The following LAMA2 variants were observed in gnomAD, a reference collection of about 807,000 sequenced individuals.
LAMA2 encodes the protein laminin subunit alpha 2, also known as laminin subunit alpha-2.
Under a neutral mutation model 364.8 loss-of-function variants are expected in LAMA2, and 269 were observed. The ratio of observed to expected loss-of-function variants is 0.74; its 90% confidence interval spans 0.67 to 0.82. The LOEUF is 0.82. Ranked by LOEUF, LAMA2 falls within the 40% of genes least tolerant of loss-of-function variation. The pLI is 0.00. For missense variants in LAMA2, 3,807 were observed against 3,873.2 expected, an observed-to-expected ratio of 0.98 and a Z score of 0.45; for synonymous variants, 1,379 against 1,370.6, an observed-to-expected ratio of 1.01 and a Z score of -0.14.
rs764657750 is a variant in LAMA2, at chr6:129,478,758, A to C, written c.7517A>C (p.Tyr2506Ser). 2 of 1,612,700 alleles carry C rather than the reference A, an allele frequency of 1.2e-6. No homozygotes were observed. The highest frequency in any genetic ancestry group is 2.7e-5 in the African/African-American group (2 of 74,900). Residue 2506 changes from tyrosine (Y) to serine (S), a missense_variant, in exon 54 of 65, where the codon TAC becomes TCC. This residue lies in a region of LAMA2 where 3,333 missense variants were observed against 3,345.7 expected (regional missense o/e 1.00). Coordinates refer to ENST00000421865, the MANE Select transcript of LAMA2 (RefSeq NM_000426.4). ...GATATTGAAATTTCAAGAACTCCGT[A>C]CAATATACTCAGTAGTCCCGATTAT... ...LKDIEISRTP[Y>S]NILSSPDYVG...
rs1786981114 is a variant in LAMA2 at position 129,515,505 on chromosome 6, G to A, written c.9212-685G>A. 2.0e-5 allele frequency among the ~76,000 whole-genome samples: 3 copies of A among 152,182 alleles called. No homozygotes were observed. The Middle Eastern group carries it at 0.01, about 518-fold the overall frequency. ...TGGGATCCTAATTAACACCTAGTAG[G>A]CCTACTGAAACAAGCACCTCTATAA... On this transcript the variant is annotated intron_variant, in intron 64 of 64. Coordinates refer to ENST00000421865, the MANE Select transcript of LAMA2 (RefSeq NM_000426.4).
intron 12 of LAMA2, among the ~76,000 whole-genome samples, chr6:129,239,881 A>G (rs1785274370): frequency 6.6e-6 from 1 of 152,112 alleles, no homozygotes; most frequent in Admixed American, 6.5e-5. Flanking sequence ...GGATTGATGT[A>G]TATATGAAGG....
chr6:129,342,589 T>C, intron 30 of LAMA2, 122 bp downstream of exon 30: 2 of 894,088 alleles, frequency 2.2e-6, no homozygotes, highest in Non-Finnish European at 3.3e-6. Context: ...GATAGAGATA[T>C]TTTTAATAAT....
rs369284574 is a variant in LAMA2, at chr6:129,403,808, A to G, written c.5727-13A>G. ...GAGTGCCCTGACATTCCTTTTTTGA[A>G]TCATCCCACCAGAATCCTTGATGAG... is the stretch of plus-strand genomic sequence containing the variant. On this transcript the variant is annotated splice_polypyrimidine_tract_variant and intron_variant, in intron 39 of 64. Transcript: ENST00000421865. 2 of 1,612,116 alleles carry G rather than the reference A, an allele frequency of 1.2e-6. No homozygotes were observed. Among genetic ancestry groups the G allele is most frequent in the African/African-American group, 1.3e-5 (1 of 74,986 alleles).
intron 3 of LAMA2, among the ~76,000 whole-genome samples, chr6:129,070,406 T>C (rs1350766520): frequency 6.6e-6 from 1 of 152,168 alleles, no homozygotes; most frequent in Non-Finnish European, 1.5e-5. Context: ...ATTGAAATGA[T>C]ACCTATGAGG....
At chr6:129,055,486 G>A (rs563778138) in intron 2 of LAMA2, among the ~76,000 whole-genome samples, 8 of 152,118 alleles carry the variant, frequency 5.3e-5, no homozygotes, top group African/African-American at 1.7e-4. Flanking sequence ...GAGCCACCGC[G>A]CCTGGCCTGC....
chr6:129,263,101 C>A (rs1787250405), intron 15 of LAMA2, among the ~76,000 whole-genome samples: 1 of 152,084 alleles, frequency 6.6e-6, no homozygotes, highest in Non-Finnish European at 1.5e-5. Flanking sequence ...GTTTCTTCTT[C>A]CATGAAATGA....
chr6:129,221,240 A>C (rs1346299813), intron 12 of LAMA2, among the ~76,000 whole-genome samples: 1 of 151,624 alleles, frequency 6.6e-6, no homozygotes, highest in Non-Finnish European at 1.5e-5. Flanking sequence ...TAATATTTTT[A>C]ATTATTAAGC....
At chr6:128,952,528 C>CA (rs991540862) in intron 1 of LAMA2, among the ~76,000 whole-genome samples, 3 of 151,330 alleles carry the variant, frequency 2.0e-5, no homozygotes, top group African/African-American at 4.9e-5. Flanking sequence ...TTCTTGAATT[C>CA]AAAAAAAATT....
intron 45 of LAMA2, among the ~76,000 whole-genome samples, chr6:129,446,514 A>C (rs868833503): frequency 1.6e-4 from 8 of 50,948 alleles, no homozygotes; most frequent in Non-Finnish European, 2.3e-4. Context: ...GAAGGGGAGG[A>C]GAGGGGAGGG....
chr6:129,088,803 C>G (rs560083155), intron 3 of LAMA2, among the ~76,000 whole-genome samples: 7 of 151,512 alleles, frequency 4.6e-5, no homozygotes, highest in South Asian at 2.1e-4. Context: ...GATGGCGGTC[C>G]GGAAGAGGCA....
intron 1 of LAMA2, among the ~76,000 whole-genome samples, chr6:128,938,452 G>T (rs1269184420): frequency 2.0e-5 from 3 of 152,096 alleles, no homozygotes; most frequent in African/African-American, 7.2e-5. Context: ...CGATGTTTTA[G>T]ACGGCGTAGT....
At chr6:129,362,345 C>T (rs747980792) in intron 32 of LAMA2, among the ~76,000 whole-genome samples, 3 of 152,172 alleles carry the variant, frequency 2.0e-5, no homozygotes, top group Non-Finnish European at 4.4e-5. Context: ...CCTCACACAT[C>T]TGTGAGGTTT....
chr6:129,030,283 A>G (rs1439661698), intron 1 of LAMA2, among the ~76,000 whole-genome samples: 1 of 152,088 alleles, frequency 6.6e-6, no homozygotes, highest in African/African-American at 2.4e-5. Flanking sequence ...CAGAAGTTCT[A>G]TCATATAATG....
intron 32 of LAMA2, among the ~76,000 whole-genome samples, chr6:129,366,008 G>A (rs1308873476): frequency 2.0e-5 from 3 of 152,002 alleles, no homozygotes; most frequent in African/African-American, 7.3e-5. Flanking sequence ...TCTATTTCAG[G>A]TTCTGGGCGA....
intron 27 of LAMA2, among the ~76,000 whole-genome samples, chr6:129,318,511 G>A (rs1309036195): frequency 6.6e-6 from 1 of 152,138 alleles, no homozygotes; most frequent in Non-Finnish European, 1.5e-5. Flanking sequence ...GTGCATTCAT[G>A]TGCAAGAGAA....
chr6:129,259,193 A>G (rs542930062), intron 14 of LAMA2, among the ~76,000 whole-genome samples: 102 of 152,278 alleles, frequency 6.7e-4, no homozygotes, highest in Non-Finnish European at 1.2e-3. Flanking sequence ...TCTATTGCTG[A>G]AAAGCTTACA....
chr6:129,028,682 A>G (rs1199430619), intron 1 of LAMA2, among the ~76,000 whole-genome samples: 3 of 151,900 alleles, frequency 2.0e-5, no homozygotes, highest in Non-Finnish European at 2.9e-5. Context: ...CTATATACTG[A>G]AAACATTTCA....
chr6:129,054,273 G>T (rs1345070837), intron 2 of LAMA2, among the ~76,000 whole-genome samples: 1 of 152,166 alleles, frequency 6.6e-6, no homozygotes, highest in African/African-American at 2.4e-5. Context: ...AGAATCAAAC[G>T]TGTGGACTGA....
Sources: gnomAD v4.1 joint callset for allele counts (sites outside exome capture counted in the v4.1 genomes callset) on GRCh38, gnomAD v4.1.1 for gene constraint, gnomAD v4.1.1 regional missense constraint, MANE v1.5 for transcripts, NCBI Gene and HGNC (gene_info 2026-07-23, HGNC 2026-07-21) for gene names.